Variants in COG5 observed in about 807,000 individuals in gnomAD.
COG5 encodes component of oligomeric golgi complex 5, also known as conserved oligomeric Golgi complex subunit 5.
In COG5, 86 loss-of-function variants were observed where a neutral mutation model predicts 110.4. The observed-to-expected ratio is 0.78, with a 90% CI of 0.65 to 0.93. The LOEUF (loss-of-function observed/expected upper bound fraction) is 0.93, where lower values mean the gene tolerates loss of function less well. COG5 is among the 40% of genes least tolerant of loss of function. COG5 has a pLI of 0.00. For synonymous variants in COG5, 360 were observed against 334.6 expected (o/e 1.08, Z -0.83); for missense variants, 1,077 against 987.0 (o/e 1.09, Z -1.22).
Position 107,563,905 on chromosome 7 carries a change from G to C in COG5, c.-9C>G, listed in dbSNP as rs761569594. 6.2e-7 allele frequency: 1 copy of C among 1,613,600 alleles called. No individual in the cohort carries two copies. On this transcript the variant is annotated 5_prime_UTR_variant, in exon 1 of 22. Coordinates refer to ENST00000297135, the MANE Select transcript of COG5 (RefSeq NM_006348.5). ...CCGCCGCCACCTTCCATGTTGGCAG[G>C]TGCCGGGTTGATGTCGTCAGCAGCA... is the stretch of plus-strand genomic sequence containing the variant.
chr7:107,288,525 G>C (rs942244187), intron 12 of COG5, among the ~76,000 whole-genome samples: 1 of 151,970 alleles, frequency 6.6e-6, no homozygotes, highest in Non-Finnish European at 1.5e-5. Flanking sequence ...TGACATAGTG[G>C]TTCTGATTTG....
chr7:107,288,936 A>T (rs1311346952), intron 12 of COG5, among the ~76,000 whole-genome samples: 2 of 115,188 alleles, frequency 1.7e-5, no homozygotes, highest in African/African-American at 8.5e-5. Flanking sequence ...ATATATATAT[A>T]TATATATATA....
At chr7:107,270,522 C>G (rs1804169392) in intron 14 of COG5, among the ~76,000 whole-genome samples, 1 of 152,118 alleles carries the variant, frequency 6.6e-6, no homozygotes, top group Admixed American at 6.5e-5. Context: ...TGGCCTCTCA[C>G]AGTGCTGGGA....
chr7:107,427,193 C>G (rs563034484), intron 6 of COG5, among the ~76,000 whole-genome samples: 2 of 152,250 alleles, frequency 1.3e-5, no homozygotes, highest in East Asian at 3.9e-4. Flanking sequence ...TGGAGTCCAG[C>G]TGAAGAGTGG....
At chr7:107,489,199 G>C (rs1328740891) in intron 6 of COG5, among the ~76,000 whole-genome samples, 1 of 152,058 alleles carries the variant, frequency 6.6e-6, no homozygotes, top group Non-Finnish European at 1.5e-5. Context: ...GTCCTTAAAT[G>C]TTCTCTAAAA....
chr7:107,279,096 AAACAAAC>A (rs1360282992), intron 14 of COG5, among the ~76,000 whole-genome samples: 3 of 152,186 alleles, frequency 2.0e-5, no homozygotes, highest in Non-Finnish European at 4.4e-5. Flanking sequence ...TACAAGAGAA[AAACAAAC>A]AACCCCATCA....
At chr7:107,536,619 G>A (rs995094698) in intron 5 of COG5, among the ~76,000 whole-genome samples, 6 of 152,038 alleles carry the variant, frequency 3.9e-5, no homozygotes, top group South Asian at 2.1e-4. Context: ...GATAGGACAC[G>A]AACAAATGGA....
At chr7:107,346,948 T>C (rs1310760605) in intron 10 of COG5, among the ~76,000 whole-genome samples, 1 of 152,162 alleles carries the variant, frequency 6.6e-6, no homozygotes, top group African/African-American at 2.4e-5. Flanking sequence ...GTTTAAATAT[T>C]CAGCAAGTTT....
At chr7:107,211,897 T>C (rs1375515904) in intron 19 of COG5, among the ~76,000 whole-genome samples, 1 of 152,194 alleles carries the variant, frequency 6.6e-6, no homozygotes, top group Non-Finnish European at 1.5e-5. Context: ...GGCTTTGAGC[T>C]CTTATGGATG....
At chr7:107,527,554 G>A (rs1800866068) in intron 5 of COG5, among the ~76,000 whole-genome samples, 197 bp from the exon 6 acceptor site, 1 of 152,140 alleles carries the variant, frequency 6.6e-6, no homozygotes, top group African/African-American at 2.4e-5. Flanking sequence ...TGCTTAATAT[G>A]TGAATCTACC....
chr7:107,236,832 A>T (rs537052608), intron 17 of COG5, 145 bp from the exon 18 acceptor site: 1 of 694,014 alleles, frequency 1.4e-6, no homozygotes, highest in East Asian at 2.7e-5. Flanking sequence ...TTACTTTTTG[A>T]TAAGCGTTAG....
At chr7:107,432,275 A>T (rs948976290) in intron 6 of COG5, among the ~76,000 whole-genome samples, 10 of 152,250 alleles carry the variant, frequency 6.6e-5, no homozygotes, top group Non-Finnish European at 1.2e-4. Flanking sequence ...TTCTATAAAA[A>T]TAACTGCTCT....
At chr7:107,260,096 A>ATATATATATAT (rs1554402497) in intron 14 of COG5, among the ~76,000 whole-genome samples, 5 of 148,278 alleles carry the variant, frequency 3.4e-5, no homozygotes, top group South Asian at 2.1e-4. Context: ...ATATATATGA[A>ATATATATATAT]ATAAAAACAT....
intron 7 of COG5, among the ~76,000 whole-genome samples, chr7:107,377,419 T>G (rs1239026604): frequency 6.6e-6 from 1 of 152,220 alleles, no homozygotes. Flanking sequence ...TTAGATCACC[T>G]TTTTCATTCT....
intron 19 of COG5, among the ~76,000 whole-genome samples, chr7:107,216,616 T>C (rs1799554246): frequency 6.6e-6 from 1 of 152,038 alleles, no homozygotes. Context: ...ATGCCACAAA[T>C]ATGTGGAAAT....
At chr7:107,289,761 C>T (rs1269257676) in intron 12 of COG5, among the ~76,000 whole-genome samples, 1 of 152,094 alleles carries the variant, frequency 6.6e-6, no homozygotes, top group Admixed American at 6.6e-5. Context: ...TGTTGTTATA[C>T]ATATTACATC....
At chr7:107,529,045 G>T (rs1297027845) in intron 5 of COG5, among the ~76,000 whole-genome samples, 1 of 67,188 alleles carries the variant, frequency 1.5e-5, no homozygotes, top group African/African-American at 1.2e-4. Flanking sequence ...AAAAAGGAAT[G>T]CCAAAGGAAA....
At chr7:107,504,020 C>T (rs899396296) in intron 6 of COG5, among the ~76,000 whole-genome samples, 1 of 152,106 alleles carries the variant, frequency 6.6e-6, no homozygotes, top group Non-Finnish European at 1.5e-5. Flanking sequence ...AGGACTAGGA[C>T]TTCCAGTACT....
chr7:107,419,568 A>ATTT (rs879883219), intron 6 of COG5, among the ~76,000 whole-genome samples: 2 of 143,680 alleles, frequency 1.4e-5, no homozygotes, highest in Non-Finnish European at 3.1e-5. Flanking sequence ...GAATTTATAG[A>ATTT]TTTTTTTTTT....
Sources: allele counts gnomAD v4.1 joint callset (sites outside exome capture counted in the v4.1 genomes callset), GRCh38; gene constraint gnomAD v4.1.1; transcripts MANE v1.5; gene names NCBI Gene and HGNC (gene_info 2026-07-23, HGNC 2026-07-21).